MED13L: variants seen among roughly 807,000 people sequenced by gnomAD.
MED13L encodes mediator of RNA polymerase II transcription subunit 13-like.
MED13L carries 7 observed loss-of-function variants against 220.9 expected under a neutral mutation model. The ratio of observed to expected loss-of-function variants is 0.03; its 90% confidence interval spans 0.02 to 0.06. MED13L has a LOEUF of 0.06. Ranked by LOEUF, MED13L falls within the 10% of genes least tolerant of loss-of-function variation. The probability of loss-of-function intolerance (pLI) is 1.00; values close to 1 mark genes in which losing one functional copy is unlikely to be tolerated. For missense variants in MED13L, 1,965 were observed against 2,760.5 expected, an observed-to-expected ratio of 0.71 and a Z score of 6.46; for synonymous variants, 1,011 against 1,015.2, an observed-to-expected ratio of 1.00 and a Z score of 0.08.
chr12:116,165,570 C>G (rs776005640), intron 2 of MED13L, among the ~76,000 whole-genome samples: 1 of 151,472 alleles, frequency 6.6e-6, no homozygotes, highest in Admixed American at 6.6e-5. Context: ...ACCTCGTGAT[C>G]CCCCCCGCCT....
At chr12:116,200,873 C>T (rs919928009) in intron 2 of MED13L, among the ~76,000 whole-genome samples, 3 of 152,020 alleles carry the variant, frequency 2.0e-5, no homozygotes, top group African/African-American at 7.2e-5. Context: ...CATAGTAGAT[C>T]GGGTAGCTTT....
chr12:116,120,455 T>C (rs1016509709), intron 2 of MED13L, among the ~76,000 whole-genome samples: 1 of 132,562 alleles, frequency 7.5e-6, no homozygotes, highest in African/African-American at 3.0e-5. Flanking sequence ...TCTCTCTCTC[T>C]CTCTCTCTCT....
chr12:116,040,928 G>C (rs1350859434), intron 4 of MED13L, among the ~76,000 whole-genome samples: 1 of 152,130 alleles, frequency 6.6e-6, no homozygotes, highest in Non-Finnish European at 1.5e-5. Flanking sequence ...GAATTAGTAC[G>C]GGAGGGATAG....
chr12:116,161,017 G>C lies in MED13L; in HGVS notation c.311-49505C>G, dbSNP rs11067927. Among the ~76,000 whole-genome samples the C allele has an allele frequency of 4.4e-4, 67 of 152,226 alleles. No individual in the cohort carries two copies. In the East Asian group the frequency reaches 0.011, roughly 25 times the overall value. On this transcript the variant is annotated intron_variant, in intron 2 of 30. Coordinates refer to ENST00000281928, the MANE Select transcript of MED13L (RefSeq NM_015335.5). ...ACGTATTTCTTATAGTTCTGGCTGA[G>C]AAGTACAAGACCATGAGGTCTGCAT...
At chr12:116,252,879 T>C (rs1270767960) in intron 1 of MED13L, among the ~76,000 whole-genome samples, 3 of 152,110 alleles carry the variant, frequency 2.0e-5, no homozygotes, top group Non-Finnish European at 4.4e-5. Flanking sequence ...ACAATTTTTG[T>C]GCCAATAAAT....
intron 2 of MED13L, among the ~76,000 whole-genome samples, chr12:116,211,805 G>T (rs927140039): frequency 7.9e-5 from 12 of 152,186 alleles, no homozygotes; most frequent in Admixed American, 5.9e-4. Context: ...GTATACTGCT[G>T]CCTGTATCAT....
chr12:116,214,495 C>A (rs1565931828), intron 2 of MED13L, among the ~76,000 whole-genome samples: 1 of 152,054 alleles, frequency 6.6e-6, no homozygotes, highest in South Asian at 2.1e-4. Context: ...AAATATAAAC[C>A]AAGAACCTAA....
chr12:116,154,408 C>T (rs1878276260), intron 2 of MED13L, among the ~76,000 whole-genome samples: 1 of 152,162 alleles, frequency 6.6e-6, no homozygotes, highest in Admixed American at 6.5e-5. Context: ...ATAGATTCAA[C>T]TTCCCACCAC....
chr12:116,111,533 G>GAA (rs201196309), intron 2 of MED13L, 21 bp from the exon 3 acceptor site: 43 of 1,519,414 alleles, frequency 2.8e-5, no homozygotes, highest in Non-Finnish European at 2.9e-5. Flanking sequence ...AAAGAAAAAA[G>GAA]AAAAAAAAAG....
At chr12:116,234,806 C>T (rs900558503) in intron 2 of MED13L, among the ~76,000 whole-genome samples, 2 of 151,916 alleles carry the variant, frequency 1.3e-5, no homozygotes, top group Non-Finnish European at 1.5e-5. Context: ...TACAGGTGCA[C>T]GTCACCACAC....
At chr12:116,085,450 A>G (rs1871568258) in intron 4 of MED13L, among the ~76,000 whole-genome samples, 1 of 152,192 alleles carries the variant, frequency 6.6e-6, no homozygotes, top group Middle Eastern at 3.2e-3. Flanking sequence ...GACTATTTCT[A>G]TTTTAATGAC....
intron 3 of MED13L, among the ~76,000 whole-genome samples, chr12:116,109,126 G>A (rs1373946388): frequency 6.9e-5 from 9 of 129,602 alleles, no homozygotes; most frequent in Non-Finnish European, 1.2e-4. Context: ...GCTAGAGTGT[G>A]GTGGCATGAA....
chr12:116,020,062 A>G, intron 5 of MED13L, 90 bp from the exon 6 acceptor site: 2 of 1,147,014 alleles, frequency 1.7e-6, no homozygotes, highest in Non-Finnish European at 2.6e-6. Flanking sequence ...TTTAGGTTAC[A>G]GTATCACTTA....
At chr12:116,253,864 A>AT (rs914209771) in intron 1 of MED13L, among the ~76,000 whole-genome samples, 1 of 143,544 alleles carries the variant, frequency 7.0e-6, no homozygotes, top group Non-Finnish European at 1.5e-5. Context: ...GGTTCAAGAG[A>AT]TTCTCGTGCC....
At chr12:116,196,506 T>A (rs1443823079) in intron 2 of MED13L, among the ~76,000 whole-genome samples, 3 of 152,084 alleles carry the variant, frequency 2.0e-5, no homozygotes, top group African/African-American at 7.2e-5. Context: ...TCCAAAACGG[T>A]GGCAATAAAA....
chr12:116,090,451 T>C (rs922970384), intron 4 of MED13L, among the ~76,000 whole-genome samples: 1 of 152,206 alleles, frequency 6.6e-6, no homozygotes, highest in Non-Finnish European at 1.5e-5. Flanking sequence ...ATACAAGAGT[T>C]ACTTTCTGCT....
intron 4 of MED13L, among the ~76,000 whole-genome samples, chr12:116,058,759 T>C (rs542010255): frequency 6.6e-5 from 10 of 152,222 alleles, no homozygotes; most frequent in African/African-American, 2.4e-4. Context: ...CATAGTAGAG[T>C]AGACGGTGGT....
chr12:116,138,543 G>C (rs1382803107), intron 2 of MED13L, among the ~76,000 whole-genome samples: 1 of 152,184 alleles, frequency 6.6e-6, no homozygotes, highest in Non-Finnish European at 1.5e-5. Context: ...TCTAGCTCTA[G>C]AGTTTTATGA....
chr12:116,139,927 G>A (rs1876907815), intron 2 of MED13L, among the ~76,000 whole-genome samples: 1 of 140,574 alleles, frequency 7.1e-6, no homozygotes, highest in African/African-American at 2.7e-5. Context: ...CTGAGATTGT[G>A]CCACTGCGCT....
Sources: allele counts gnomAD v4.1 joint callset (sites outside exome capture counted in the v4.1 genomes callset), GRCh38; gene constraint gnomAD v4.1.1; transcripts MANE v1.5; gene names NCBI Gene and HGNC (gene_info 2026-07-23, HGNC 2026-07-21).